The following KCNMA1 variants were observed in gnomAD, a reference collection of about 807,000 sequenced individuals.
KCNMA1 encodes the protein potassium calcium-activated channel subfamily M alpha 1.
In KCNMA1, 29 loss-of-function variants were observed where a neutral mutation model predicts 140.0. The observed-to-expected ratio is 0.21, with a 90% CI of 0.15 to 0.28. The LOEUF is 0.28. Among genes scored for constraint, KCNMA1 ranks in the 10% least tolerant of loss-of-function variants. KCNMA1 has a pLI of 1.00. For synonymous variants in KCNMA1, 612 were observed against 611.9 expected (o/e 1.00, Z 0.00); for missense variants, 880 against 1,602.2 (o/e 0.55, Z 7.70).
intron 16 of KCNMA1, among the ~76,000 whole-genome samples, chr10:77,024,695 GA>G (rs34071531): frequency 6.6e-6 from 1 of 150,632 alleles, no homozygotes; most frequent in South Asian, 2.1e-4. Context: ...AACACACTAG[GA>G]AAAAAAAGCC....
chr10:77,161,500 C>T (rs1335739576), intron 5 of KCNMA1, among the ~76,000 whole-genome samples: 2 of 152,158 alleles, frequency 1.3e-5, no homozygotes, highest in African/African-American at 4.8e-5. Flanking sequence ...CTGCCCTGGC[C>T]TCCCAAGCTG....
At chr10:77,000,717 A>G (rs2085947784) in intron 19 of KCNMA1, among the ~76,000 whole-genome samples, 2 of 152,056 alleles carry the variant, frequency 1.3e-5, no homozygotes, top group South Asian at 4.2e-4. Context: ...CCTTCAAAAT[A>G]GTCATCATTC....
intron 5 of KCNMA1, among the ~76,000 whole-genome samples, chr10:77,171,967 A>G (rs2098712337): frequency 6.6e-6 from 1 of 152,160 alleles, no homozygotes; most frequent in Non-Finnish European, 1.5e-5. Flanking sequence ...TTAACATCTT[A>G]TAGAGGCAAG....
At chr10:77,375,125 C>T (rs961632529) in intron 2 of KCNMA1, among the ~76,000 whole-genome samples, 1 of 152,098 alleles carries the variant, frequency 6.6e-6, no homozygotes, top group Non-Finnish European at 1.5e-5. Context: ...TGGTGAAGGT[C>T]ACAGAAAAGG....
At chr10:77,106,991 C>T (rs977816881) in intron 9 of KCNMA1, among the ~76,000 whole-genome samples, 2 of 152,164 alleles carry the variant, frequency 1.3e-5, no homozygotes, top group East Asian at 1.9e-4. Context: ...TGAAAGGAAA[C>T]GGGTGTCCTG....
At chr10:77,147,309 T>C (rs2098323039) in intron 5 of KCNMA1, among the ~76,000 whole-genome samples, 1 of 152,196 alleles carries the variant, frequency 6.6e-6, no homozygotes, top group African/African-American at 2.4e-5. Flanking sequence ...GCCTGTGTCA[T>C]TTGCACAGGT....
chr10:77,487,914 T>G (rs955963478), intron 1 of KCNMA1, among the ~76,000 whole-genome samples: 5 of 152,114 alleles, frequency 3.3e-5, no homozygotes, highest in South Asian at 2.1e-4. Flanking sequence ...ACTGTGCGTT[T>G]TAACAAGGCC....
At chr10:77,552,396 C>G (rs764392837) in intron 1 of KCNMA1, among the ~76,000 whole-genome samples, 24 of 152,164 alleles carry the variant, frequency 1.6e-4, no homozygotes, top group African/African-American at 5.5e-4. Context: ...AAAACAGGAA[C>G]AAGAAGTGCA....
chr10:77,238,198 C>T (rs868792820), intron 3 of KCNMA1, among the ~76,000 whole-genome samples: 17 of 152,276 alleles, frequency 1.1e-4, no homozygotes, highest in Middle Eastern at 3.4e-3. Flanking sequence ...AGATCCCTGG[C>T]GACTCTCTAC....
At chr10:77,201,930 A>G (rs1169302316) in intron 3 of KCNMA1, among the ~76,000 whole-genome samples, 3 of 152,234 alleles carry the variant, frequency 2.0e-5, no homozygotes, top group Non-Finnish European at 4.4e-5. Context: ...ATGCATGCCT[A>G]TGTAGCATAT....
rs1183311699 is a variant in KCNMA1 at position 77,025,242 on chromosome 10, G to GTATATATATATA, written c.1928+2569_1928+2580dup. On this transcript the variant is annotated intron_variant, in intron 16 of 27. Coordinates refer to ENST00000286628, the MANE Select transcript of KCNMA1 (RefSeq NM_001161352.2). ...ACTCTAGTTGGAGAGGGGTGTGTGT[G>GTATATATATATA]TATATATATATATATATATATATAT... Among the ~76,000 whole-genome samples the GTATATATATATA allele has an allele frequency of 2.1e-3, 91 of 42,568 alleles. 1 individual carries two copies. The highest frequency in any genetic ancestry group is 3.6e-3 in the East Asian group (4 of 1,098). The allele number at this position is 42,568 out of a possible 152,430, so 27.9% of individuals were successfully genotyped here. A position where few individuals can be genotyped will look rare whatever the true frequency, so the allele number is the denominator to read the frequency against.
chr10:77,265,051 ACT>A (rs2063049274), intron 2 of KCNMA1, among the ~76,000 whole-genome samples: 1 of 148,740 alleles, frequency 6.7e-6, no homozygotes, highest in Non-Finnish European at 1.5e-5. Flanking sequence ...GCATCAAAAG[ACT>A]CTTTTTTTTT....
At position 77,624,750 on chromosome 10, in the gene KCNMA1, T is replaced by C. The variant is rs192201375; in HGVS notation, c.378+12515A>G. Among the ~76,000 whole-genome samples, 180 of 152,156 alleles carry C rather than the reference T, an allele frequency of 1.2e-3. 1 individual carries two copies. The highest frequency in any genetic ancestry group is 3.7e-3 in the African/African-American group (154 of 41,510). On this transcript the variant is annotated intron_variant, in intron 1 of 27. Coordinates refer to ENST00000286628, the MANE Select transcript of KCNMA1 (RefSeq NM_001161352.2). ...ACACTGTAGCTAGTCACTTGTCATA[T>C]GTCAAAATCAAAAATCCGGCGCTCC...
intron 5 of KCNMA1, among the ~76,000 whole-genome samples, chr10:77,122,072 G>A (rs2097614705): frequency 6.6e-6 from 1 of 152,244 alleles, no homozygotes; most frequent in Admixed American, 6.5e-5. Flanking sequence ...GCCCGTGGGT[G>A]GGGCTTTGTT....
chr10:76,906,120 T>C (rs750423872), intron 25 of KCNMA1, among the ~76,000 whole-genome samples: 4 of 152,212 alleles, frequency 2.6e-5, no homozygotes, highest in Non-Finnish European at 4.4e-5. Flanking sequence ...GGAATCCAGA[T>C]CTAAGCCATC....
chr10:77,305,048 T>C (rs1245058742), intron 2 of KCNMA1, among the ~76,000 whole-genome samples: 2 of 152,326 alleles, frequency 1.3e-5, no homozygotes, highest in East Asian at 3.9e-4. Flanking sequence ...CCTGAGAATC[T>C]ACATTTCTAA....
At chr10:77,332,502 T>A (rs2086855552) in intron 2 of KCNMA1, among the ~76,000 whole-genome samples, 1 of 152,170 alleles carries the variant, frequency 6.6e-6, no homozygotes, top group South Asian at 2.1e-4. Flanking sequence ...GTCCCCTGCA[T>A]GCACAGACCA....
intron 13 of KCNMA1, chr10:77,078,164 T>C (rs1409376188): frequency 6.6e-6 from 1 of 152,200 alleles, no homozygotes. Flanking sequence ...GCCTATTTCA[T>C]AGGGAATATG....
At chr10:77,525,393 C>G (rs2055199104) in intron 1 of KCNMA1, among the ~76,000 whole-genome samples, 1 of 152,204 alleles carries the variant, frequency 6.6e-6, no homozygotes, top group Non-Finnish European at 1.5e-5. Flanking sequence ...CTCATAACCA[C>G]CCAGAAAGTG....
Sources: gnomAD v4.1 joint callset for allele counts (sites outside exome capture counted in the v4.1 genomes callset) on GRCh38, gnomAD v4.1.1 for gene constraint, MANE v1.5 for transcripts, NCBI Gene and HGNC (gene_info 2026-07-23, HGNC 2026-07-21) for gene names.